Variants in AFF2 observed in about 807,000 individuals in gnomAD.
AFF2 encodes AF4/FMR2 family member 2.
In AFF2, 14 loss-of-function variants were observed where a neutral mutation model predicts 76.9. The observed-to-expected ratio is 0.18, with a 90% confidence interval of 0.12 to 0.28. The LOEUF (loss-of-function observed/expected upper bound fraction) is 0.28. Among genes scored for constraint, AFF2 ranks in the 10% least tolerant of loss-of-function variants. AFF2 has a pLI of 1.00. For synonymous variants in AFF2, 398 were observed against 366.7 expected, an observed-to-expected ratio of 1.09 and a Z score of -0.98; for missense variants, 868 against 1,001.1, an observed-to-expected ratio of 0.87 and a Z score of 1.79.
intron 3 of AFF2, among the ~76,000 whole-genome samples, chrX:148,777,400 A>G (rs896869856): frequency 1.5e-4 from 17 of 111,738 alleles, no homozygotes; most frequent in African/African-American, 4.9e-4. Flanking sequence ...AAGAAAGTCA[A>G]TGGTAGCTTG....
intron 3 of AFF2, among the ~76,000 whole-genome samples, chrX:148,670,622 G>A (rs1371730018): frequency 9.0e-6 from 1 of 111,377 alleles, no homozygotes; most frequent in Non-Finnish European, 1.9e-5. Context: ...GCTGAACTTG[G>A]CACGTTACTT....
chrX:148,769,695 G>A (rs781999686), intron 3 of AFF2, among the ~76,000 whole-genome samples: 10 of 110,498 alleles, frequency 9.0e-5, no homozygotes, highest in Non-Finnish European at 1.7e-4. Context: ...AGCCAGAGCC[G>A]CTGGAGTAGT....
chrX:148,675,006 G>C (rs1240437034), intron 3 of AFF2, among the ~76,000 whole-genome samples: 8 of 112,313 alleles, frequency 7.1e-5, no homozygotes, highest in African/African-American at 2.6e-4. Context: ...CTGATGTGTA[G>C]GGGTGTTTTA....
At chrX:148,929,033 C>T (rs782024880) in intron 9 of AFF2, among the ~76,000 whole-genome samples, 12 of 112,173 alleles carry the variant, frequency 1.1e-4, no homozygotes, top group Non-Finnish European at 2.1e-4. Context: ...ACTTGAGTCA[C>T]GTTGACATTA....
At chrX:148,760,375 C>G (rs1344755823) in intron 3 of AFF2, among the ~76,000 whole-genome samples, 3 of 112,157 alleles carry the variant, frequency 2.7e-5, no homozygotes, top group African/African-American at 9.7e-5. Context: ...CAATCCCTGC[C>G]TGGTTACAGA....
chrX:148,737,203 C>T (rs962485806), intron 3 of AFF2, among the ~76,000 whole-genome samples: 15 of 111,053 alleles, frequency 1.4e-4, no homozygotes, highest in Non-Finnish European at 2.3e-4. Context: ...AGATTGCTTT[C>T]GGCAGTATGC....
At chrX:148,514,852 C>T (rs2052518632) in intron 1 of AFF2, among the ~76,000 whole-genome samples, 2 of 112,295 alleles carry the variant, frequency 1.8e-5, no homozygotes, top group African/African-American at 6.5e-5. Flanking sequence ...GGTCTTATTT[C>T]ACTGTCATCC....
At chrX:148,556,799 C>A (rs1489523197) in intron 1 of AFF2, among the ~76,000 whole-genome samples, 1 of 112,058 alleles carries the variant, frequency 8.9e-6, no homozygotes, top group Non-Finnish European at 1.9e-5. Context: ...TCAAATTGGG[C>A]CCTTAGGGAG....
intron 1 of AFF2, among the ~76,000 whole-genome samples, chrX:148,631,715 C>T (rs1205869336): frequency 8.9e-6 from 1 of 112,279 alleles, no homozygotes; most frequent in African/African-American, 3.2e-5. Context: ...GGCCAGAACC[C>T]GGGAGTTGTT....
intron 3 of AFF2, among the ~76,000 whole-genome samples, chrX:148,749,647 G>A (rs41433548): frequency 0.013 from 1,449 of 111,234 alleles, 22 homozygotes; most frequent in African/African-American, 0.045. Context: ...CATATGGTCA[G>A]AAGTGGCCCA....
intron 3 of AFF2, among the ~76,000 whole-genome samples, chrX:148,761,619 T>C (rs2069444571): frequency 9.0e-6 from 1 of 111,058 alleles, no homozygotes; most frequent in Admixed American, 9.7e-5. Flanking sequence ...AACGAATGTT[T>C]ACAGAGTCCT....
In AFF2 at chrX:148,628,962, A is replaced by G. The variant is rs782488356; in HGVS notation, c.48-23037A>G. On this transcript the variant is annotated intron_variant, in intron 1 of 20. Transcript: ENST00000370460. ...TCTATAAGTAAATGTGACTTTTATCATAGTACTATTAGATATACTGAAATA... is the reference window on the plus strand; with the variant it reads ...TCTATAAGTAAATGTGACTTTTATCGTAGTACTATTAGATATACTGAAATA... Among the ~76,000 whole-genome samples the G allele has an allele frequency of 4.5e-5, 5 of 111,891 alleles. No homozygotes were observed. In the South Asian group the frequency reaches 1.8e-3, roughly 41 times the overall value.
At chrX:148,816,005 AC>A (rs1278443364) in intron 4 of AFF2, among the ~76,000 whole-genome samples, 3 of 112,057 alleles carry the variant, frequency 2.7e-5, no homozygotes, top group Admixed American at 9.5e-5. Flanking sequence ...TGTAGAATTT[AC>A]ACCTGTTTTC....
At chrX:148,632,361 G>T (rs966980728) in intron 1 of AFF2, among the ~76,000 whole-genome samples, 1 of 111,517 alleles carries the variant, frequency 9.0e-6, no homozygotes, top group African/African-American at 3.3e-5. Context: ...CTAGGCAACA[G>T]ATTGGGTGTG....
At chrX:148,967,205 A>G in intron 14 of AFF2, 126 bp downstream of exon 14, 1 of 991,031 alleles carries the variant, frequency 1.0e-6, no homozygotes, top group African/African-American at 1.9e-5. Context: ...CTATACCCTT[A>G]AAAGTCCACC....
chrX:148,871,551 A>G (rs1440673248), intron 7 of AFF2, among the ~76,000 whole-genome samples: 1 of 112,040 alleles, frequency 8.9e-6, no homozygotes, highest in African/African-American at 3.2e-5. Context: ...GCCTCCTTCC[A>G]TCAGCCCTCA....
At chrX:148,989,690 G>A (rs1248878582) in intron 20 of AFF2, among the ~76,000 whole-genome samples, 1 of 112,417 alleles carries the variant, frequency 8.9e-6, no homozygotes, top group Non-Finnish European at 1.9e-5. Flanking sequence ...GCATCTCACT[G>A]GAGACAACCA....
At position 148,662,652 on chromosome X, in the gene AFF2, A is replaced by C; in HGVS notation, c.925A>C (p.Ile309Leu). 8.3e-7 allele frequency: 1 copy of C among 1,212,075 alleles called. No individual in the cohort carries two copies. The highest frequency in any genetic ancestry group is 3.0e-5 in the East Asian group (1 of 33,852). Residue 309 changes from isoleucine (I) to leucine (L), a missense_variant, in exon 3 of 21, where the codon ATT (isoleucine) becomes CTT (leucine). Ile to Leu is a conservative substitution (Grantham distance 5, BLOSUM62 2). Around this residue, in one of 6 missense-constraint regions of AFF2, gnomAD observed 532 missense variants for 564.2 expected, o/e 0.94. Transcript: ENST00000370460. ...PDISPTLKPSIEFENSFGNLS... is the reference protein window; with the variant it reads ...PDISPTLKPSLEFENSFGNLS... ...CATCTCACCAACACTGAAACCTTCA[A>C]TTGAATTTGAGAACAGCTTTGGGAA...
chrX:148,955,459 G>A, intron 10 of AFF2, 144 bp from the exon 11 acceptor site: 1 of 567,555 alleles, frequency 1.8e-6, no homozygotes, highest in Non-Finnish European at 2.8e-6. Context: ...ATGTGCAGGT[G>A]TGTGTGTATG....
Sources: allele counts gnomAD v4.1 joint callset (sites outside exome capture counted in the v4.1 genomes callset), GRCh38; gene constraint gnomAD v4.1.1; regional missense constraint gnomAD v4.1.1; transcripts MANE v1.5; gene names NCBI Gene and HGNC (gene_info 2026-07-23, HGNC 2026-07-21).